The following HEMK2 variants were observed in gnomAD, a reference collection of about 807,000 sequenced individuals.
The protein encoded by HEMK2 is HemK methyltransferase 2, ETF1 glutamine and histone H4 lysine.
At chr21:28,707,703 C>T in the HEMK2 span, among the ~76,000 whole-genome samples, 2 of 151,992 alleles carry the variant, frequency 1.3e-5, no homozygotes, top group Non-Finnish European at 2.9e-5. Context: ...TATAAACACA[C>T]ACACACTGTA....
chr21:28,819,604 T>C, the HEMK2 span, among the ~76,000 whole-genome samples: 1 of 145,080 alleles, frequency 6.9e-6, no homozygotes, highest in Non-Finnish European at 1.5e-5. Flanking sequence ...GAGTGTGCAG[T>C]GGCGCGATCT....
the HEMK2 span, among the ~76,000 whole-genome samples, chr21:28,816,653 C>A: frequency 1.3e-5 from 2 of 152,158 alleles, no homozygotes; most frequent in Admixed American, 1.3e-4. Context: ...TGCACTACAG[C>A]CTAAGAGTCA....
the HEMK2 span, among the ~76,000 whole-genome samples, chr21:28,721,634 G>A: frequency 6.6e-6 from 1 of 152,034 alleles, no homozygotes; most frequent in Admixed American, 6.6e-5. Flanking sequence ...AGTGAAAATA[G>A]TGAACTAGAC....
At chr21:28,791,841 G>C in the HEMK2 span, among the ~76,000 whole-genome samples, 2 of 152,052 alleles carry the variant, frequency 1.3e-5, no homozygotes, top group African/African-American at 2.4e-5. Flanking sequence ...GTATTCCCAG[G>C]TTAGGCATTC....
the HEMK2 span, among the ~76,000 whole-genome samples, chr21:28,778,233 T>G: frequency 6.6e-6 from 1 of 152,190 alleles, no homozygotes; most frequent in Non-Finnish European, 1.5e-5. Context: ...CCTTTAGGGG[T>G]TGGCTTTTTT....
At chr21:28,814,027 G>A in the HEMK2 span, among the ~76,000 whole-genome samples, 794 of 152,242 alleles carry the variant, frequency 5.2e-3, 7 homozygotes, top group African/African-American at 0.018. Flanking sequence ...CACGAGGTCA[G>A]GAGATTGAGA....
the HEMK2 span, among the ~76,000 whole-genome samples, chr21:28,824,480 A>G: frequency 5.3e-5 from 8 of 152,342 alleles, no homozygotes; most frequent in African/African-American, 1.7e-4. Context: ...GTTTTTACAG[A>G]TAGCACATAA....
chr21:28,852,364 C>A, the HEMK2 span, among the ~76,000 whole-genome samples: 1 of 152,182 alleles, frequency 6.6e-6, no homozygotes, highest in African/African-American at 2.4e-5. Context: ...CCGGGACACA[C>A]TGGACCCACT....
At chr21:28,602,667 G>A in the HEMK2 span, among the ~76,000 whole-genome samples, 2 of 152,174 alleles carry the variant, frequency 1.3e-5, no homozygotes, top group Non-Finnish European at 2.9e-5. Context: ...ACATTAGAAG[G>A]CAAGACTCCT....
chr21:28,858,395 T>C, the HEMK2 span, among the ~76,000 whole-genome samples: 4 of 152,222 alleles, frequency 2.6e-5, no homozygotes, highest in South Asian at 4.1e-4. Context: ...CTACTTTCCA[T>C]TGTTACCACA....
At chr21:28,813,999 C>A in the HEMK2 span, among the ~76,000 whole-genome samples, 2 of 152,144 alleles carry the variant, frequency 1.3e-5, no homozygotes, top group African/African-American at 2.4e-5. Context: ...GCACTTTGGG[C>A]GGCTGAGGTG....
At chr21:28,866,211 C>T in the HEMK2 span, among the ~76,000 whole-genome samples, 1 of 144,800 alleles carries the variant, frequency 6.9e-6, no homozygotes, top group African/African-American at 2.6e-5. Context: ...CATAGTGGCC[C>T]GTACCTGTAA....
At chr21:28,756,374 C>A in the HEMK2 span, among the ~76,000 whole-genome samples, 1 of 152,260 alleles carries the variant, frequency 6.6e-6, no homozygotes, top group African/African-American at 2.4e-5. Flanking sequence ...CACCCTCTAG[C>A]CATTTACTGT....
At chr21:28,882,149 G>C in the HEMK2 span, 1 of 1,560,112 alleles carries the variant, frequency 6.4e-7, no homozygotes, top group Non-Finnish European at 8.6e-7. Context: ...ACTGGACAAA[G>C]ATTATCTTAC....
At chr21:28,765,077 C>T in the HEMK2 span, among the ~76,000 whole-genome samples, 3 of 152,054 alleles carry the variant, frequency 2.0e-5, no homozygotes, top group African/African-American at 2.4e-5. Flanking sequence ...ATTCTAATGT[C>T]TTTCTTGCAA....
the HEMK2 span, among the ~76,000 whole-genome samples, chr21:28,584,355 C>T: frequency 5.9e-5 from 9 of 152,276 alleles, no homozygotes; most frequent in Admixed American, 2.6e-4. Context: ...ATAATGGAAT[C>T]AGTACTTACT....
chr21:28,601,646 T>TCTCTCTCTC, the HEMK2 span, among the ~76,000 whole-genome samples: 4 of 84,134 alleles, frequency 4.8e-5, no homozygotes, highest in African/African-American at 1.8e-4. Context: ...CTCTCTCTCT[T>TCTCTCTCTC]TCTGTAATTT....
the HEMK2 span, among the ~76,000 whole-genome samples, chr21:28,783,890 T>C: frequency 0.2 from 30,180 of 152,144 alleles, 3,338 homozygotes; most frequent in East Asian, 0.41. Context: ...GTGAGGGGCT[T>C]AGCACCCAGG....
the HEMK2 span, among the ~76,000 whole-genome samples, chr21:28,579,585 TATTA>T: frequency 1.4e-3 from 219 of 152,284 alleles, no homozygotes; most frequent in African/African-American, 5.0e-3. Flanking sequence ...TTAATGTTTT[TATTA>T]ATTTGTAAAT....
Sources: gnomAD v4.1 joint callset for allele counts (sites outside exome capture counted in the v4.1 genomes callset) on GRCh38, gnomAD v4.1.1 for gene constraint, MANE v1.5 for transcripts, NCBI Gene and HGNC (gene_info 2026-07-23, HGNC 2026-07-21) for gene names.